The following VASP variants were observed in gnomAD, a reference collection of about 807,000 sequenced individuals.
The protein encoded by VASP is vasodilator stimulated phosphoprotein, also known as vasodilator-stimulated phosphoprotein.
In VASP, 27 loss-of-function variants were observed where a neutral mutation model predicts 54.4. The ratio of observed to expected loss-of-function variants is 0.50; its 90% confidence interval spans 0.37 to 0.68. The LOEUF (loss-of-function observed/expected upper bound fraction) is 0.68, where lower values mean the gene tolerates loss of function less well. VASP is among the 30% of genes least tolerant of loss of function. VASP has a pLI of 0.00. For synonymous variants in VASP, 233 were observed against 209.8 expected, an observed-to-expected ratio of 1.11 and a Z score of -0.96; for missense variants, 488 against 528.3, an observed-to-expected ratio of 0.92 and a Z score of 0.75.
intron 3 of VASP, 54 bp from the exon 4 acceptor site, chr19:45,521,268 G>T (rs1968825708): frequency 6.7e-7 from 1 of 1,501,722 alleles, no homozygotes; most frequent in Admixed American, 2.0e-5. Flanking sequence ...GAAGCGCCAA[G>T]AGCTGAGCAG....
At position 45,515,639 on chromosome 19, in the gene VASP, C is replaced by T. The variant is rs150786061; in HGVS notation, c.6-2024C>T. Among the ~76,000 whole-genome samples, 427 of 152,254 alleles carry T rather than the reference C, an allele frequency of 2.8e-3. 2 individuals carry two copies. The highest frequency in any genetic ancestry group is 9.8e-3 in the African/African-American group (405 of 41,538). Reference sequence around the variant, plus strand: ...GCGGCCTCCACCTCCTGGGTTCAAGCGATTCTCCTGCGTCAGCCTCCTGAG... The same window carrying T: ...GCGGCCTCCACCTCCTGGGTTCAAGTGATTCTCCTGCGTCAGCCTCCTGAG... On this transcript the variant is annotated intron_variant, in intron 1 of 12. Transcript: ENST00000245932.
intron 3 of VASP, among the ~76,000 whole-genome samples, chr19:45,519,762 A>AATT (rs376831021): frequency 0.029 from 4,298 of 148,776 alleles, 239 homozygotes; most frequent in African/African-American, 0.1. Context: ...CATCCAGCTA[A>AATT]TTTTTTGTAT....
chr19:45,521,164 A>T (rs576448352), intron 3 of VASP, among the ~76,000 whole-genome samples, 158 bp from the exon 4 acceptor site: 1 of 152,166 alleles, frequency 6.6e-6, no homozygotes, highest in Admixed American at 6.5e-5. Flanking sequence ...TCACCTCCCA[A>T]TGTGCGTCCT....
Position 45,523,639 on chromosome 19 carries a change from T to C in VASP, c.822-5T>C, listed in dbSNP as rs1968893618. The C allele has an allele frequency of 2.5e-6, 4 of 1,614,006 alleles. No homozygotes were observed. The African/African-American group carries it at 4.0e-5, about 16-fold the overall frequency. Reference sequence around the variant, plus strand: ...AGCACGTGTTTTTGCTTTTCTCTCCTGCAGAAGGAAAGCCACGCAAGTTGG... The same window carrying C: ...AGCACGTGTTTTTGCTTTTCTCTCCCGCAGAAGGAAAGCCACGCAAGTTGG... On this transcript the variant is annotated splice_region_variant and splice_polypyrimidine_tract_variant and intron_variant, in intron 7 of 12. Transcript: ENST00000245932.
intron 4 of VASP, among the ~76,000 whole-genome samples, chr19:45,521,876 C>T (rs1254789985): frequency 6.7e-6 from 1 of 148,586 alleles, no homozygotes; most frequent in Admixed American, 6.7e-5. Context: ...GTGACAGAGT[C>T]TCAAAAAAAA....
chr19:45,523,964 A>G, intron 9 of VASP, 87 bp downstream of exon 9: 3 of 1,609,572 alleles, frequency 1.9e-6, no homozygotes, highest in Non-Finnish European at 2.5e-6. Flanking sequence ...TAGGAGAGTC[A>G]GGGCGAATGG....
chr19:45,509,410 G>C (rs2122278177), intron 1 of VASP, among the ~76,000 whole-genome samples: 1 of 151,998 alleles, frequency 6.6e-6, no homozygotes, highest in South Asian at 2.1e-4. Context: ...CGCGTTTCCG[G>C]TCCCAGGCTC....
At chr19:45,518,881 G>C (rs1968765048) in intron 3 of VASP, among the ~76,000 whole-genome samples, 1 of 152,196 alleles carries the variant, frequency 6.6e-6, no homozygotes, top group Admixed American at 6.5e-5. Context: ...ACCCAGGCTG[G>C]AGTGCAGTGG....
intron 9 of VASP, 82 bp downstream of exon 9, chr19:45,523,959 G>A: frequency 1.1e-5 from 18 of 1,610,228 alleles, no homozygotes; most frequent in Non-Finnish European, 1.4e-5. Flanking sequence ...CCTTATAGGA[G>A]AGTCAGGGCG....
At chr19:45,522,609 G>T in intron 6 of VASP, 28 bp downstream of exon 6, 1 of 1,502,046 alleles carries the variant, frequency 6.7e-7, no homozygotes, top group South Asian at 1.3e-5. Flanking sequence ...GTGGGCAGGG[G>T]GCAACAGGGC....
At chr19:45,522,085 G>A (rs954303998) in intron 4 of VASP, 83 bp from the exon 5 acceptor site, 3 of 1,586,256 alleles carry the variant, frequency 1.9e-6, no homozygotes, top group Non-Finnish European at 2.6e-6. Context: ...AGACCTCTGA[G>A]AGAGAGGACG....
At chr19:45,510,557 C>G (rs187243061) in intron 1 of VASP, among the ~76,000 whole-genome samples, 9 of 152,210 alleles carry the variant, frequency 5.9e-5, no homozygotes. Flanking sequence ...GATACTATTA[C>G]AACCTTGTGG....
At chr19:45,511,877 A>C (rs1180236338) in intron 1 of VASP, among the ~76,000 whole-genome samples, 1 of 152,220 alleles carries the variant, frequency 6.6e-6, no homozygotes, top group Non-Finnish European at 1.5e-5. Flanking sequence ...CAGGCAGATC[A>C]CCTGAGGTCA....
chr19:45,524,937 G>A, intron 11 of VASP: 1 of 349,360 alleles, frequency 2.9e-6, no homozygotes, highest in South Asian at 2.8e-5. Context: ...ATTGGAGTTG[G>A]CAGGAGGCTG....
At chr19:45,523,820 G>T (rs1466336737) in intron 8 of VASP, 21 bp from the exon 9 acceptor site, 1 of 1,613,922 alleles carries the variant, frequency 6.2e-7, no homozygotes, top group African/African-American at 1.3e-5. Flanking sequence ...GCTGGCTCAT[G>T]GCAGTTTTAT....
At chr19:45,518,872 C>T (rs1460474664) in intron 3 of VASP, among the ~76,000 whole-genome samples, 2 of 152,180 alleles carry the variant, frequency 1.3e-5, no homozygotes, top group African/African-American at 4.8e-5. Flanking sequence ...TGCTCTGTCA[C>T]CCAGGCTGGA....
chr19:45,526,194 G>A lies in VASP; in HGVS notation c.*17G>A, dbSNP rs1258259949. ...TCTCCCTGACCACAGGGACCCAGAA[G>A]ACCCGCTTCTCCTTTCCGCACACCC... On this transcript the variant is annotated 3_prime_UTR_variant, in exon 13 of 13. Coordinates refer to ENST00000245932, the MANE Select transcript of VASP (RefSeq NM_003370.4). The A allele has an allele frequency of 6.2e-7, 1 of 1,600,656 alleles. No individual in the cohort carries two copies. The highest frequency in any genetic ancestry group is 2.2e-5 in the East Asian group (1 of 44,784).
chr19:45,520,092 G>C (rs1198108841), intron 3 of VASP, among the ~76,000 whole-genome samples: 1 of 151,494 alleles, frequency 6.6e-6, no homozygotes, highest in Non-Finnish European at 1.5e-5. Context: ...AGTAGAGACG[G>C]GGTTTCGCAG....
In VASP at chr19:45,513,468, C is replaced by CTTTTTTTTTTTTTTTTTTTTTT. The variant is rs71173173; in HGVS notation, c.6-4174_6-4173insTTTTTTTTTTTTTTTTTTTTTT. Among the ~76,000 whole-genome samples the CTTTTTTTTTTTTTTTTTTTTTT allele has an allele frequency of 8.9e-4, 83 of 92,780 alleles. 1 individual carries two copies. Among genetic ancestry groups the CTTTTTTTTTTTTTTTTTTTTTT allele is most frequent in the Non-Finnish European group, 1.4e-3 (70 of 49,412 alleles). 60.9% of individuals were successfully genotyped at this position (92,780 alleles called of 152,430 possible). A position where few individuals can be genotyped will look rare whatever the true frequency, so the allele number is the denominator to read the frequency against. On this transcript the variant is annotated intron_variant, in intron 1 of 12. Transcript: ENST00000245932. ...CATCTTGCCCAAGCTAGTCTCTCTCCTTTTTTTTTTTTTTTTTTTTTGAGA... is the reference window on the plus strand; with the variant it reads ...CATCTTGCCCAAGCTAGTCTCTCTCCTTTTTTTTTTTTTTTTTTTTTTTTTTTTTTTTTTTTTTTTTTTGAGA...
Sources: gnomAD v4.1 joint callset for allele counts (sites outside exome capture counted in the v4.1 genomes callset) on GRCh38, gnomAD v4.1.1 for gene constraint, MANE v1.5 for transcripts, NCBI Gene and HGNC (gene_info 2026-07-23, HGNC 2026-07-21) for gene names.